Variants in F11R observed in about 807,000 individuals in gnomAD.
F11R encodes the protein F11 receptor, also known as junctional adhesion molecule A.
Under a neutral mutation model 39.3 loss-of-function variants are expected in F11R, and 27 were observed. The ratio of observed to expected loss-of-function variants is 0.69; its 90% CI spans 0.51 to 0.95. F11R has a LOEUF of 0.95. Ranked by LOEUF, F11R falls within the 40% of genes least tolerant of loss-of-function variation. F11R has a pLI of 0.00. For synonymous variants in F11R, 131 were observed against 144.9 expected (o/e 0.90, Z 0.69); for missense variants, 335 against 372.7 (o/e 0.90, Z 0.83).
chr1:161,016,964 A>AC (rs1024012070), intron 1 of F11R, among the ~76,000 whole-genome samples: 28 of 152,180 alleles, frequency 1.8e-4, no homozygotes, highest in Admixed American at 1.0e-3. Context: ...CTATGGCCTT[A>AC]CCCCCAACCC....
intron 1 of F11R, among the ~76,000 whole-genome samples, chr1:161,017,044 T>C (rs957886853): frequency 1.3e-5 from 2 of 152,192 alleles, no homozygotes; most frequent in African/African-American, 4.8e-5. Flanking sequence ...AAGATGTGCT[T>C]TGTTAAACAA....
chr1:161,016,931 T>G (rs1316507728), intron 1 of F11R, among the ~76,000 whole-genome samples: 1 of 152,246 alleles, frequency 6.6e-6, no homozygotes. Flanking sequence ...AGAAAAATTC[T>G]TCTGCCTTGG....
rs201161407 is a variant in F11R at position 160,998,890 on chromosome 1, G to T, written c.881C>A (p.Thr294Asn). Residue 294 changes from threonine (T) to asparagine (N), a missense_variant, in exon 10 of 10, where the codon ACC becomes AAC. Physicochemically the swap from Thr to Asn is moderately conservative, Grantham distance 65 (BLOSUM62 0). Coordinates refer to ENST00000368026, the MANE Select transcript of F11R (RefSeq NM_016946.6). ...CCAGGCTCACACCAGGAATGACGAG[G>T]TCTGTTTGAATTCTCCCTGCAGAAA... ...SARSEGEFKQ[T>N]SSFLV 5.6e-6 allele frequency: 9 copies of T among 1,614,176 alleles called. No homozygotes were observed. The highest frequency in any genetic ancestry group is 1.1e-5 in the South Asian group (1 of 91,082).
At chr1:161,010,850 G>A (rs1409342986) in intron 1 of F11R, among the ~76,000 whole-genome samples, 1 of 151,574 alleles carries the variant, frequency 6.6e-6, no homozygotes, top group Non-Finnish European at 1.5e-5. Flanking sequence ...GCTGGGCGTG[G>A]TGGCAGGCAC....
Position 161,021,096 on chromosome 1 carries a change from C to T in F11R, c.-23G>A. 4 of 1,608,854 alleles carry T rather than the reference C, an allele frequency of 2.5e-6. No homozygotes were observed. The highest frequency in any genetic ancestry group is 3.4e-6 in the Non-Finnish European group (4 of 1,175,868). ...CATCGCGATCAGGCTCCCGACACAA[C>T]AGCCGCCGAAGGACTCCTGGGAACA... is the stretch of plus-strand genomic sequence containing the variant. On this transcript the variant is annotated 5_prime_UTR_variant, in exon 1 of 10. Coordinates refer to ENST00000368026, the MANE Select transcript of F11R (RefSeq NM_016946.6).
chr1:161,008,409 G>A (rs1482465907), intron 1 of F11R, among the ~76,000 whole-genome samples: 1 of 152,120 alleles, frequency 6.6e-6, no homozygotes, highest in African/African-American at 2.4e-5. Context: ...GGCTGAAGCA[G>A]TAGAATGGCG....
intron 1 of F11R, among the ~76,000 whole-genome samples, chr1:161,005,687 T>C (rs774321139): frequency 6.6e-6 from 1 of 151,958 alleles, no homozygotes; most frequent in African/African-American, 2.4e-5. Context: ...CAGCTAACTT[T>C]TACAATTTTT....
At chr1:161,002,847 A>G (rs892849554) in intron 1 of F11R, among the ~76,000 whole-genome samples, 13 of 152,180 alleles carry the variant, frequency 8.5e-5, no homozygotes, top group Admixed American at 7.2e-4. Flanking sequence ...ATATAATAAC[A>G]CTATGAATTA....
At chr1:161,013,841 G>C (rs1041878504) in intron 1 of F11R, among the ~76,000 whole-genome samples, 1 of 151,970 alleles carries the variant, frequency 6.6e-6, no homozygotes, top group African/African-American at 2.4e-5. Flanking sequence ...CAGCTCCCCC[G>C]CCACCCCATC....
Position 160,996,338 on chromosome 1 carries a change from C to G in F11R, c.*2533G>C, listed in dbSNP as rs922141002. 4 of 152,362 alleles carry G rather than the reference C, an allele frequency of 2.6e-5. No homozygotes were observed. The highest frequency in any genetic ancestry group is 9.7e-5 in the African/African-American group (4 of 41,450). 9.4% of individuals were successfully genotyped at this position (152,362 alleles called of 1,614,324 possible). On this transcript the variant is annotated 3_prime_UTR_variant, in exon 10 of 10. Coordinates refer to ENST00000368026, the MANE Select transcript of F11R (RefSeq NM_016946.6). ...GGCAATAACTGACTCATATTCTTCA[C>G]AAGTGGCCTAGACAATAAGGAACCA...
intron 3 of F11R, 107 bp from the exon 4 acceptor site, chr1:161,000,884 A>G: frequency 6.7e-7 from 1 of 1,497,980 alleles, no homozygotes; most frequent in Non-Finnish European, 9.2e-7. Flanking sequence ...TCCCCCAGAA[A>G]GGGGGGTAGG....
rs562903723 is a variant in F11R, at chr1:161,000,882, A to G, written c.242-105T>C. The G allele has an allele frequency of 2.7e-5, 40 of 1,499,274 alleles. 1 individual carries two copies. The South Asian group carries it at 4.7e-4, about 17-fold the overall frequency. The allele number at this position is 1,499,274 out of a possible 1,614,324, so 92.9% of individuals were successfully genotyped here. Reference sequence around the variant, plus strand: ...CGCAAGTGCTCTCCTCTTCCCCCAGAAAGGGGGGTAGGAAGGCCATGAGGA... The same window carrying G: ...CGCAAGTGCTCTCCTCTTCCCCCAGGAAGGGGGGTAGGAAGGCCATGAGGA... On this transcript the variant is annotated intron_variant, in intron 3 of 9. Transcript: ENST00000368026.
In F11R at chr1:161,000,617, C is replaced by A. The variant is rs756574281; in HGVS notation, c.388+14G>T. On this transcript the variant is annotated intron_variant, in intron 4 of 9. Coordinates refer to ENST00000368026, the MANE Select transcript of F11R (RefSeq NM_016946.6). ...ACTAACTCCAGGCCCACCCAGAAGA[C>A]ATGGGGCACGTACCAAGCACGATGA... 2 of 1,614,164 alleles carry A rather than the reference C, an allele frequency of 1.2e-6. No individual in the cohort carries two copies. The highest frequency in any genetic ancestry group is 2.2e-5 in the South Asian group (2 of 91,082).
chr1:161,010,498 A>T (rs1649091133), intron 1 of F11R, among the ~76,000 whole-genome samples: 1 of 151,576 alleles, frequency 6.6e-6, no homozygotes, highest in Non-Finnish European at 1.5e-5. Context: ...GCAAGGTAGG[A>T]ATCTTAACTC....
chr1:160,999,375 C>G (rs777069586), intron 8 of F11R, 21 bp downstream of exon 8: 2 of 1,614,170 alleles, frequency 1.2e-6, no homozygotes, highest in Non-Finnish European at 1.7e-6. Context: ...TTGGAGAACC[C>G]CAGGACAGCA....
At chr1:161,005,077 C>T (rs1389071574) in intron 1 of F11R, among the ~76,000 whole-genome samples, 1 of 151,152 alleles carries the variant, frequency 6.6e-6, no homozygotes, top group Non-Finnish European at 1.5e-5. Flanking sequence ...AGGAGAATCA[C>T]TGAACCCAGG....
chr1:160,998,784 T>C lies in F11R; in HGVS notation c.*87A>G. 2 of 1,337,006 alleles carry C rather than the reference T, an allele frequency of 1.5e-6. No homozygotes were observed. The highest frequency in any genetic ancestry group is 2.4e-5 in the South Asian group (2 of 84,892). The allele number at this position is 1,337,006 out of a possible 1,614,324, so 82.8% of individuals were successfully genotyped here. The stretch of plus-strand genomic sequence containing the variant: ...TGGGGTGTAGAAGACAAATAAGGCA[T>C]CCTGTGAAACTACAGACATCAGGGG... On this transcript the variant is annotated 3_prime_UTR_variant, in exon 10 of 10. Coordinates refer to ENST00000368026, the MANE Select transcript of F11R (RefSeq NM_016946.6).
At chr1:161,018,334 G>A (rs1649574920) in intron 1 of F11R, among the ~76,000 whole-genome samples, 1 of 152,170 alleles carries the variant, frequency 6.6e-6, no homozygotes, top group South Asian at 2.1e-4. Flanking sequence ...TGAAGAACAG[G>A]GAGAACATAT....
At chr1:161,000,088 CT>C (rs1648381092) in intron 5 of F11R, 57 bp downstream of exon 5, 11 of 1,604,728 alleles carry the variant, frequency 6.9e-6, no homozygotes, top group Middle Eastern at 1.7e-4. Context: ...TTCCTCCCAC[CT>C]TTTGGGGTTC....
Sources: gnomAD v4.1 joint callset for allele counts (sites outside exome capture counted in the v4.1 genomes callset) on GRCh38, gnomAD v4.1.1 for gene constraint, MANE v1.5 for transcripts, NCBI Gene and HGNC (gene_info 2026-07-23, HGNC 2026-07-21) for gene names.